The following IQCH variants were observed in gnomAD, a reference collection of about 807,000 sequenced individuals.
The protein encoded by IQCH is IQ motif containing H, also known as IQ domain-containing protein H.
In IQCH, 98 loss-of-function variants were observed where a neutral mutation model predicts 117.0. The observed-to-expected ratio is 0.84, with a 90% confidence interval of 0.71 to 0.99. The LOEUF is 0.99. IQCH is among the 50% of genes least tolerant of loss of function. The pLI, the probability that IQCH is intolerant of heterozygous loss-of-function variation, is 0.00. For synonymous variants in IQCH, 412 were observed against 448.2 expected, an observed-to-expected ratio of 0.92 and a Z score of 1.02; for missense variants, 1,102 against 1,243.8, an observed-to-expected ratio of 0.89 and a Z score of 1.72.
rs1256474198 is a variant in IQCH at position 67,431,579 on chromosome 15, C to T, written c.2505+10002C>T. Among the ~76,000 whole-genome samples, 1 of 151,886 alleles carries T rather than the reference C, an allele frequency of 6.6e-6. No homozygotes were observed. Among genetic ancestry groups the T allele is most frequent in the Non-Finnish European group, 1.5e-5 (1 of 67,980 alleles). Reference sequence around the variant, plus strand: ...TGATGAAATAATGTGTACAACAAACCCCCATGGCACAAGTTTACCTGTGTA... The same window carrying T: ...TGATGAAATAATGTGTACAACAAACTCCCATGGCACAAGTTTACCTGTGTA... On this transcript the variant is annotated intron_variant, in intron 16 of 20. Transcript: ENST00000335894. This position sits in a 1 kb window ranked among gnomAD's most constrained non-coding sequence, Gnocchi z 4.8.
In IQCH at chr15:67,491,709, A is replaced by G. The variant is rs2083659071; in HGVS notation, c.2861+1645A>G. On this transcript the variant is annotated intron_variant, in intron 19 of 20. Coordinates refer to ENST00000335894, the MANE Select transcript of IQCH (RefSeq NM_001031715.3). This position sits in a 1 kb window ranked among gnomAD's most constrained non-coding sequence, Gnocchi z 4.9. Reference sequence around the variant, plus strand: ...CACCTAGGCCTTCACATCCAGAATGATAACAGAGCCAGGGACACCTCTGGG... The same window carrying G: ...CACCTAGGCCTTCACATCCAGAATGGTAACAGAGCCAGGGACACCTCTGGG... 6.6e-6 allele frequency among the ~76,000 whole-genome samples: 1 copy of G among 152,140 alleles called. No individual in the cohort carries two copies. The highest frequency in any genetic ancestry group is 2.1e-4 in the South Asian group (1 of 4,830).
chr15:67,304,074 CAGCATTATTTTTAAGAAAA>C (rs777314822), intron 4 of IQCH, among the ~76,000 whole-genome samples: 4 of 152,034 alleles, frequency 2.6e-5, no homozygotes, highest in Non-Finnish European at 4.4e-5. Flanking sequence ...GGTTGGCTTC[CAGCATTATTTTTAAGAAAA>C]TGTGTCTGAG....
At chr15:67,440,786 A>G (rs1229008870) in intron 16 of IQCH, among the ~76,000 whole-genome samples, 1 of 152,214 alleles carries the variant, frequency 6.6e-6, no homozygotes, top group Non-Finnish European at 1.5e-5. Flanking sequence ...AGTTGAAAGC[A>G]TTCCCTCTGA....
At chr15:67,355,785 T>C (rs564761272) in intron 6 of IQCH, among the ~76,000 whole-genome samples, 231 of 152,276 alleles carry the variant, frequency 1.5e-3, no homozygotes, top group African/African-American at 5.4e-3. Flanking sequence ...CAAATGCATG[T>C]GTCTCATAAA....
At position 67,387,883 on chromosome 15, in the gene IQCH, C is replaced by T. The variant is rs2140837280; in HGVS notation, c.1457-948C>T. Among the ~76,000 whole-genome samples, 1 of 152,296 alleles carries T rather than the reference C, an allele frequency of 6.6e-6. No homozygotes were observed. Among genetic ancestry groups the T allele is most frequent in the Admixed American group, 6.5e-5 (1 of 15,286 alleles). On this transcript the variant is annotated intron_variant, in intron 11 of 20. Transcript: ENST00000335894. This position sits in a 1 kb window ranked among gnomAD's most constrained non-coding sequence, Gnocchi z 4.8. ...CTGATCAGAGGAGTCTGAAGATCCT[C>T]TCTTTGCCCTGCTTGCCTAAGAAAA...
intron 16 of IQCH, among the ~76,000 whole-genome samples, chr15:67,444,049 C>T (rs577655879): frequency 6.6e-6 from 1 of 152,260 alleles, no homozygotes; most frequent in Non-Finnish European, 1.5e-5. Context: ...TGTGGCACTG[C>T]ACTGGATTGA....
intron 3 of IQCH, among the ~76,000 whole-genome samples, chr15:67,270,187 C>T (rs550912502): frequency 2.6e-5 from 4 of 152,232 alleles, no homozygotes; most frequent in East Asian, 3.9e-4. Context: ...TTGACTTCTT[C>T]CTTTCCAATT....
intron 4 of IQCH, among the ~76,000 whole-genome samples, chr15:67,316,409 T>C (rs1354674000): frequency 1.3e-5 from 2 of 152,214 alleles, no homozygotes. Context: ...TGTGGAATTA[T>C]GTCATCTAAT....
chr15:67,357,405 A>G lies in IQCH; in HGVS notation c.698A>G (p.Lys233Arg). Reference protein sequence around the residue: ...PSPAEVKFFPKKQRSKGKSRR... With the variant: ...PSPAEVKFFPRKQRSKGKSRR... The stretch of plus-strand genomic sequence containing the variant: ...CCAGCAGAAGTGAAGTTCTTTCCCA[A>G]GAAACAAAGATCAAAGGTATTTATA... Residue 233 changes from lysine (K) to arginine (R), a missense_variant, in exon 7 of 21, where the codon AAG (lysine) becomes AGG (arginine). This residue lies in a region of IQCH where 452 missense variants were observed against 449.6 expected (regional missense o/e 1.01). Coordinates refer to ENST00000335894, the MANE Select transcript of IQCH (RefSeq NM_001031715.3). The G allele has an allele frequency of 6.2e-7, 1 of 1,602,148 alleles. No homozygotes were observed. The highest frequency in any genetic ancestry group is 8.6e-7 in the Non-Finnish European group (1 of 1,169,024).
At chr15:67,392,622 C>G (rs900439828) in intron 12 of IQCH, among the ~76,000 whole-genome samples, 1 of 151,708 alleles carries the variant, frequency 6.6e-6, no homozygotes, top group African/African-American at 2.4e-5. Flanking sequence ...ACAAAAAATA[C>G]AAAAATTAGC....
intron 8 of IQCH, among the ~76,000 whole-genome samples, chr15:67,362,295 TA>T (rs913827018): frequency 3.5e-4 from 53 of 149,748 alleles, no homozygotes; most frequent in African/African-American, 7.8e-4. Context: ...TCTCCAAATT[TA>T]AAAAAAAAAT....
intron 3 of IQCH, among the ~76,000 whole-genome samples, chr15:67,278,707 A>G (rs918027919): frequency 6.6e-6 from 1 of 152,224 alleles, no homozygotes; most frequent in Non-Finnish European, 1.5e-5. Context: ...ATAATTTTGC[A>G]AAAGTGGGTA....
chr15:67,318,172 CATGT>C (rs2140584217), intron 4 of IQCH, among the ~76,000 whole-genome samples: 1 of 152,174 alleles, frequency 6.6e-6, no homozygotes, highest in East Asian at 1.9e-4. Flanking sequence ...ATTTGTTTTC[CATGT>C]TTGGATGTAT....
intron 12 of IQCH, among the ~76,000 whole-genome samples, chr15:67,392,363 C>A (rs1194945954): frequency 1.3e-5 from 2 of 152,082 alleles, no homozygotes; most frequent in Admixed American, 6.5e-5. Flanking sequence ...AAGAGTGAAA[C>A]AAGGAAGAAA....
At chr15:67,315,795 A>G (rs1967818055) in intron 4 of IQCH, among the ~76,000 whole-genome samples, 1 of 152,082 alleles carries the variant, frequency 6.6e-6, no homozygotes, top group South Asian at 2.1e-4. Flanking sequence ...ATCTGTCCAC[A>G]TTGATCATGT....
Position 67,432,489 on chromosome 15 carries a change from TTTG to T in IQCH, c.2505+10915_2505+10917del, listed in dbSNP as rs2082041475. On this transcript the variant is annotated intron_variant, in intron 16 of 20. Transcript: ENST00000335894. This position sits in a 1 kb window ranked among gnomAD's most constrained non-coding sequence, Gnocchi z 5.0. ...ACTTGACCAATCTGAGCCTTGTTTT[TTTG>T]TTATCAACTGGTAAATTCCTGCCCT... Among the ~76,000 whole-genome samples the T allele has an allele frequency of 6.6e-6, 1 of 152,224 alleles. No individual in the cohort carries two copies. Among genetic ancestry groups the T allele is most frequent in the African/African-American group, 2.4e-5 (1 of 41,460 alleles).
At chr15:67,469,541 C>G (rs72747417) in intron 17 of IQCH, among the ~76,000 whole-genome samples, 1 of 152,076 alleles carries the variant, frequency 6.6e-6, no homozygotes, top group Non-Finnish European at 1.5e-5. Flanking sequence ...AAGTTCTCAT[C>G]AGCCTTTACC....
At chr15:67,280,339 G>T (rs181769592) in intron 4 of IQCH, among the ~76,000 whole-genome samples, 14 of 148,292 alleles carry the variant, frequency 9.4e-5, no homozygotes, top group African/African-American at 2.9e-4. Flanking sequence ...ATTCTGTTTT[G>T]TCCCTGTCTT....
At chr15:67,389,896 G>T (rs961973841) in intron 12 of IQCH, among the ~76,000 whole-genome samples, 18 of 151,638 alleles carry the variant, frequency 1.2e-4, no homozygotes, top group East Asian at 3.9e-4. Flanking sequence ...AAATGGGGGT[G>T]GGGGAGGGAC....
Sources: gnomAD v4.1 joint callset for allele counts (sites outside exome capture counted in the v4.1 genomes callset) on GRCh38, gnomAD v4.1.1 for gene constraint, gnomAD v4.1.1 regional missense constraint, Gnocchi (gnomAD v3.1) non-coding constraint, MANE v1.5 for transcripts, NCBI Gene and HGNC (gene_info 2026-07-23, HGNC 2026-07-21) for gene names.